Variants in GCFC2 observed in about 807,000 individuals in gnomAD.
The protein encoded by GCFC2 is GC-rich sequence DNA-binding factor 2, also known as intron Large complex component GCFC2.
A neutral mutation model predicts 99.4 loss-of-function variants in GCFC2; 102 were observed. The observed-to-expected ratio is 1.03, with a 90% CI of 0.87 to 1.21. The LOEUF (loss-of-function observed/expected upper bound fraction) is 1.21. GCFC2 is among the 50% of genes most tolerant of loss of function. The pLI, the probability that GCFC2 is intolerant of heterozygous loss-of-function variation, is 0.00. For missense variants in GCFC2, 973 were observed against 920.9 expected (o/e 1.06, Z -0.73); for synonymous variants, 338 against 316.8 (o/e 1.07, Z -0.71).
chr2:75,668,871 C>T (rs1481156146), intron 15 of GCFC2, among the ~76,000 whole-genome samples: 1 of 152,130 alleles, frequency 6.6e-6, no homozygotes, highest in Admixed American at 6.5e-5. Context: ...AGAGCTGTAT[C>T]CCTCCTTCCC....
chr2:75,677,703 A>G (rs1679407991), intron 12 of GCFC2, among the ~76,000 whole-genome samples: 1 of 152,148 alleles, frequency 6.6e-6, no homozygotes, highest in African/African-American at 2.4e-5. Flanking sequence ...CCATTATAAA[A>G]ACTGCTTGAG....
intron 7 of GCFC2, 163 bp from the exon 8 acceptor site, chr2:75,690,882 A>C (rs1050774126): frequency 1.5e-5 from 8 of 528,304 alleles, no homozygotes; most frequent in Middle Eastern, 5.0e-4. Context: ...TTTCAATGTT[A>C]ACTCTTTATT....
In GCFC2 at chr2:75,670,156, C is replaced by G. The variant is rs760687471; in HGVS notation, c.2085G>C (p.Val695=). Residue 695 remains valine (V), a synonymous_variant, in exon 15 of 17, where the codon GTG becomes GTC. Transcript: ENST00000321027. ...ALLNATPGPD[V]VKKCNQVAAC... ...AACTTACCTGGTTGCACTTTTTAACCACATCTGGCCCAGGTGTGGCATTGA... is the reference window on the plus strand; with the variant it reads ...AACTTACCTGGTTGCACTTTTTAACGACATCTGGCCCAGGTGTGGCATTGA... The G allele has an allele frequency of 2.5e-6, 4 of 1,605,572 alleles. No individual in the cohort carries two copies. In the South Asian group the frequency reaches 4.4e-5, roughly 18 times the overall value.
At position 75,694,293 on chromosome 2, in the gene GCFC2, TAGAATTTACA is replaced by T; in HGVS notation, c.958_967del (p.Cys320IlefsTer4). On this transcript the variant is annotated frameshift_variant, in exon 6 of 17. Transcript: ENST00000321027. LOFTEE classifies it high-confidence loss of function. ...TTCCACATAAATTTTCATGCTTTTATAGAATTTACAATTTAGAGCTTGATTTGATGAACTC... is the reference window on the plus strand; with the variant it reads ...TTCCACATAAATTTTCATGCTTTTATATTTAGAGCTTGATTTGATGAACTC... 8.1e-7 allele frequency: 1 copy of T among 1,229,532 alleles called. No homozygotes were observed. The highest frequency in any genetic ancestry group is 1.2e-6 in the Non-Finnish European group (1 of 850,924). 76.2% of individuals were successfully genotyped at this position (1,229,532 alleles called of 1,614,324 possible).
intron 1 of GCFC2, among the ~76,000 whole-genome samples, chr2:75,710,227 C>A (rs1184853081): frequency 1.3e-5 from 2 of 152,218 alleles, no homozygotes; most frequent in Non-Finnish European, 2.9e-5. Context: ...CATATAACTT[C>A]TGCCCACTTA....
intron 15 of GCFC2, 127 bp from the exon 16 acceptor site, chr2:75,666,180 A>C (rs989207666): frequency 1.5e-6 from 1 of 663,672 alleles, no homozygotes; most frequent in Non-Finnish European, 2.4e-6. Flanking sequence ...GTTAAATAAA[A>C]ATTTCTAAAG....
rs1320182975 is a variant in GCFC2 at position 75,706,613 on chromosome 2, T to C, written c.304A>G (p.Lys102Glu). The change falls in exon 2 of 17, where the codon AAA becomes GAA. Residue 102 changes from lysine to glutamate, a missense_variant. By Grantham distance (56) the Lys-to-Glu change is moderately conservative (BLOSUM62 1). Transcript: ENST00000321027. The stretch of plus-strand genomic sequence containing the variant: ...TTACTTTCTGAGGAGTGATGTATTT[T>C]ATCCTCTTCATCTGTGGACACATCA... ...TLDVSTDEED[K>E]IHHSSESKDD... is the part of the protein sequence containing the mutation. The C allele has an allele frequency of 1.3e-6, 2 of 1,592,834 alleles. No homozygotes were observed. The highest frequency in any genetic ancestry group is 1.7e-6 in the Non-Finnish European group (2 of 1,160,754).
intron 6 of GCFC2, among the ~76,000 whole-genome samples, chr2:75,693,155 T>C (rs1680163320): frequency 6.6e-6 from 1 of 152,164 alleles, no homozygotes; most frequent in African/African-American, 2.4e-5. Context: ...AAAAATAATG[T>C]GGGCTGAGTG....
intron 12 of GCFC2, among the ~76,000 whole-genome samples, chr2:75,674,799 G>A (rs776837735): frequency 4.6e-5 from 7 of 152,010 alleles, no homozygotes; most frequent in Non-Finnish European, 8.8e-5. Context: ...ACCTGAAGTC[G>A]TTTCTCTTTC....
intron 12 of GCFC2, among the ~76,000 whole-genome samples, chr2:75,676,455 T>A (rs1411811353): frequency 6.7e-6 from 1 of 149,894 alleles, no homozygotes; most frequent in Non-Finnish European, 1.5e-5. Context: ...GATTTTAAGA[T>A]GAATATCATA....
At chr2:75,711,126 G>A (rs955228120), upstream of GCFC2, 151 of 1,249,378 alleles carry the variant, frequency 1.2e-4, no homozygotes, top group Non-Finnish European at 1.4e-4. Flanking sequence ...GATTTTCACG[G>A]CCTATCCGGT....
chr2:75,693,149 AT>A (rs1680163105), intron 6 of GCFC2, among the ~76,000 whole-genome samples: 1 of 152,194 alleles, frequency 6.6e-6, no homozygotes, highest in African/African-American at 2.4e-5. Context: ...TAAACAAAAA[AT>A]AATGTGGGCT....
chr2:75,711,825 G>T (rs1681199622), upstream of GCFC2, among the ~76,000 whole-genome samples: 1 of 152,246 alleles, frequency 6.6e-6, no homozygotes, highest in African/African-American at 2.4e-5. Flanking sequence ...GCAGGGCTCG[G>T]GACCTGCAGC....
intron 6 of GCFC2, 67 bp from the exon 7 acceptor site, chr2:75,692,167 ATAT>A (rs1680108880): frequency 5.0e-5 from 23 of 459,546 alleles, no homozygotes; most frequent in South Asian, 2.0e-4. Context: ...ATATATATAT[ATAT>A]AAAAGTAATA....
chr2:75,683,034 G>A (rs566400741), intron 11 of GCFC2, among the ~76,000 whole-genome samples: 6 of 151,894 alleles, frequency 4.0e-5, no homozygotes, highest in South Asian at 2.1e-4. Context: ...GACATTATCC[G>A]GAAGAACTTC....
chr2:75,709,821 C>T (rs1166151326), intron 1 of GCFC2, among the ~76,000 whole-genome samples: 6 of 152,118 alleles, frequency 3.9e-5, no homozygotes, highest in South Asian at 2.1e-4. Context: ...TTTTACTTCT[C>T]AATAAATTAA....
chr2:75,668,645 T>C (rs750517097), intron 15 of GCFC2, among the ~76,000 whole-genome samples: 1 of 152,204 alleles, frequency 6.6e-6, no homozygotes, highest in Non-Finnish European at 1.5e-5. Context: ...GAGATTTATT[T>C]TCCTTTCACA....
chr2:75,702,497 A>T (rs1307337706), intron 2 of GCFC2, 74 bp from the exon 3 acceptor site: 1 of 1,177,278 alleles, frequency 8.5e-7, no homozygotes, highest in Non-Finnish European at 1.2e-6. Context: ...TTTAAGAAAA[A>T]GAAAAAAGCA....
intron 4 of GCFC2, among the ~76,000 whole-genome samples, chr2:75,697,175 C>A (rs1680365859): frequency 6.6e-6 from 1 of 152,194 alleles, no homozygotes; most frequent in Non-Finnish European, 1.5e-5. Flanking sequence ...CATTAGTGTC[C>A]TCTGTCTAAT....
Sources: gnomAD v4.1 joint callset for allele counts (sites outside exome capture counted in the v4.1 genomes callset) on GRCh38, gnomAD v4.1.1 for gene constraint, MANE v1.5 for transcripts, NCBI Gene and HGNC (gene_info 2026-07-23, HGNC 2026-07-21) for gene names.